Variants in RUBCNL observed in about 807,000 individuals in gnomAD.
The protein encoded by RUBCNL is protein associated with UVRAG as autophagy enhancer.
Under a neutral mutation model 69.5 loss-of-function variants are expected in RUBCNL, and 62 were observed. The ratio of observed to expected loss-of-function variants is 0.89; its 90% CI spans 0.73 to 1.10. RUBCNL has a LOEUF of 1.10. Among genes scored for constraint, RUBCNL ranks in the 50% least tolerant of loss-of-function variants. The pLI is 0.00. For synonymous variants in RUBCNL, 291 were observed against 303.6 expected (o/e 0.96, Z 0.43); for missense variants, 768 against 798.1 (o/e 0.96, Z 0.45).
chr13:46,353,746 A>G (rs1336209671), intron 10 of RUBCNL, among the ~76,000 whole-genome samples: 1 of 152,242 alleles, frequency 6.6e-6, no homozygotes, highest in African/African-American at 2.4e-5. Flanking sequence ...GTGGAAGAGA[A>G]ATATTCTAGA....
At chr13:46,354,581 T>A (rs2048442317) in intron 10 of RUBCNL, among the ~76,000 whole-genome samples, 1 of 152,124 alleles carries the variant, frequency 6.6e-6, no homozygotes, top group African/African-American at 2.4e-5. Context: ...CCACACAGGG[T>A]TTCTTTTACT....
chr13:46,382,675 A>G (rs997750667), intron 1 of RUBCNL, among the ~76,000 whole-genome samples: 1 of 152,118 alleles, frequency 6.6e-6, no homozygotes, highest in African/African-American at 2.4e-5. Context: ...CTGGGATTAC[A>G]GGCGCCCACC....
chr13:46,344,331 G>T (rs769385377), intron 14 of RUBCNL, among the ~76,000 whole-genome samples: 4 of 152,220 alleles, frequency 2.6e-5, no homozygotes, highest in African/African-American at 9.6e-5. Context: ...TAAAGAGCCA[G>T]ATAGCAAATG....
At chr13:46,356,363 G>T in intron 10 of RUBCNL, 69 bp downstream of exon 10, 1 of 1,460,416 alleles carries the variant, frequency 6.8e-7, no homozygotes, top group Non-Finnish European at 9.5e-7. Context: ...CAAGCAATGC[G>T]CTGCCCTACT....
chr13:46,388,102 C>T (rs1435988561), upstream of RUBCNL, among the ~76,000 whole-genome samples: 1 of 144,384 alleles, frequency 6.9e-6, no homozygotes, highest in East Asian at 2.1e-4. Context: ...ATGCCGGCTA[C>T]TAGGGAGGCT....
At chr13:46,354,705 T>C in intron 10 of RUBCNL, 1 of 446,000 alleles carries the variant, frequency 2.2e-6, no homozygotes, top group South Asian at 1.6e-5. Context: ...TTGCTGTAAA[T>C]CCCACGGCAC....
chr13:46,379,505 C>T (rs969321899), intron 1 of RUBCNL, among the ~76,000 whole-genome samples: 4 of 152,112 alleles, frequency 2.6e-5, no homozygotes, highest in Non-Finnish European at 4.4e-5. Flanking sequence ...AATTATCAAA[C>T]GATACCTAGA....
intron 12 of RUBCNL, 89 bp from the exon 13 acceptor site, chr13:46,345,689 A>C (rs1223281375): frequency 7.6e-7 from 1 of 1,314,380 alleles, no homozygotes; most frequent in Non-Finnish European, 1.0e-6. Context: ...CTTGGCACTC[A>C]CACTTAATTT....
Position 46,344,818 on chromosome 13 carries a change from T to C in RUBCNL, c.1799A>G (p.Lys600Arg). ...HVAGCELCQG[K>R]GFICEFCQNT... is the part of the protein sequence containing the mutation. ...CTGGCAAAATTCACAAATAAAGCCC[T>C]TTCCTTGACACAGCTGTAAAAGAAG... The change falls in exon 14 of 15, where the codon AAG (lysine) becomes AGG (arginine). Residue 600 changes from lysine to arginine, a missense_variant. Lys to Arg is a conservative substitution (Grantham distance 26). Transcript: ENST00000429979. 6.2e-7 allele frequency: 1 copy of C among 1,610,482 alleles called. No individual in the cohort carries two copies. Among genetic ancestry groups the C allele is most frequent in the Non-Finnish European group, 8.5e-7 (1 of 1,177,918 alleles).
In RUBCNL at chr13:46,350,371, G is replaced by C; in HGVS notation, c.1331-20C>G. 1.3e-6 allele frequency: 2 copies of C among 1,506,292 alleles called. No individual in the cohort carries two copies. Among genetic ancestry groups the C allele is most frequent in the East Asian group, 5.0e-5 (2 of 40,240 alleles). The allele number at this position is 1,506,292 out of a possible 1,614,324, so 93.3% of individuals were successfully genotyped here. A position where few individuals can be genotyped will look rare whatever the true frequency, so the allele number is the denominator to read the frequency against. Reference sequence around the variant, plus strand: ...CAAACTCTGCCAAGCATACCGGAGGGTGAGTGCCACACCTGGTGCTGAAAA... The same window carrying C: ...CAAACTCTGCCAAGCATACCGGAGGCTGAGTGCCACACCTGGTGCTGAAAA... On this transcript the variant is annotated intron_variant, in intron 10 of 14. Coordinates refer to ENST00000429979, the MANE Select transcript of RUBCNL (RefSeq NM_025113.5).
rs551611710 is a variant in RUBCNL at position 46,367,962 on chromosome 13, C to T, written c.826+80G>A. On this transcript the variant is annotated intron_variant, in intron 5 of 14. Transcript: ENST00000429979. ...TCCACTGGGAGTCTTGGAATATATG[C>T]CCCGTGGATAAGGGGTAATTATAGA... 552 of 1,318,698 alleles carry T rather than the reference C, an allele frequency of 4.2e-4. 1 individual carries two copies. The highest frequency in any genetic ancestry group is 5.6e-4 in the Non-Finnish European group (512 of 920,534). 81.7% of individuals were successfully genotyped at this position (1,318,698 alleles called of 1,614,324 possible). A position where few individuals can be genotyped will look rare whatever the true frequency, so the allele number is the denominator to read the frequency against.
At chr13:46,349,376 AGTT>A in intron 11 of RUBCNL, 29 bp from the exon 12 acceptor site, 1 of 1,587,592 alleles carries the variant, frequency 6.3e-7, no homozygotes, top group East Asian at 2.2e-5. Context: ...CACGGGGAAA[AGTT>A]AAATGTAATA....
At position 46,372,173 on chromosome 13, in the gene RUBCNL, C is replaced by T. The variant is rs1250349989; in HGVS notation, c.303G>A (p.Glu101=). ...SPSCLGDSLA[E]TTLSEDTTDS... ...CTGTGGTATCCTCAGACAACGTTGT[C>T]TCTGCCAGGGAGTCCCCGAGGCACG... The change falls in exon 3 of 15, where the codon GAG becomes GAA. Residue 101 remains glutamate, a synonymous_variant. Coordinates refer to ENST00000429979, the MANE Select transcript of RUBCNL (RefSeq NM_025113.5). The T allele has an allele frequency of 6.2e-7, 1 of 1,613,912 alleles. No individual in the cohort carries two copies. Among genetic ancestry groups the T allele is most frequent in the African/African-American group, 1.3e-5 (1 of 74,934 alleles).
Position 46,350,095 on chromosome 13 carries a change from G to T in RUBCNL, c.1569+18C>A. The T allele has an allele frequency of 6.6e-7, 1 of 1,524,208 alleles. No individual in the cohort carries two copies. The highest frequency in any genetic ancestry group is 2.0e-5 in the Admixed American group (1 of 51,152). 94.4% of individuals were successfully genotyped at this position (1,524,208 alleles called of 1,614,324 possible). A position where few individuals can be genotyped will look rare whatever the true frequency, so the allele number is the denominator to read the frequency against. On this transcript the variant is annotated intron_variant, in intron 11 of 14. Transcript: ENST00000429979. ...GGACACTTCCAATGAGAGGGATGGGGTTGGGGCTGCGGCTCACCTTCACTC... is the reference window on the plus strand; with the variant it reads ...GGACACTTCCAATGAGAGGGATGGGTTTGGGGCTGCGGCTCACCTTCACTC...
intron 1 of RUBCNL, among the ~76,000 whole-genome samples, chr13:46,381,994 CCTCA>C (rs1482466324): frequency 4.6e-5 from 7 of 152,024 alleles, no homozygotes; most frequent in African/African-American, 1.7e-4. Context: ...AGAGGAAAGA[CCTCA>C]CTATGTTGCT....
At chr13:46,357,561 GGTAAC>G (rs1029710660) in intron 9 of RUBCNL, among the ~76,000 whole-genome samples, 1 of 151,566 alleles carries the variant, frequency 6.6e-6, no homozygotes, top group Non-Finnish European at 1.5e-5. Flanking sequence ...ACGAATAAGA[GGTAAC>G]GTAAGACAAA....
intron 5 of RUBCNL, among the ~76,000 whole-genome samples, chr13:46,364,273 T>C (rs2138765699): frequency 6.6e-6 from 1 of 152,236 alleles, no homozygotes; most frequent in East Asian, 1.9e-4. Context: ...GGCAGGTGCC[T>C]GTAGTCCCAG....
In RUBCNL at chr13:46,376,280, T is replaced by C. The variant is rs541484736; in HGVS notation, c.-123+1610A>G. On this transcript the variant is annotated intron_variant, in intron 2 of 14. Transcript: ENST00000429979. The stretch of plus-strand genomic sequence containing the variant: ...AACTCTATGTGTGTGTGTATATATA[T>C]ATCTTTTGCATATGACATATATTGT... Among the ~76,000 whole-genome samples the C allele has an allele frequency of 2.6e-5, 4 of 152,262 alleles. No individual in the cohort carries two copies. The South Asian group carries it at 6.2e-4, about 24-fold the overall frequency.
intron 12 of RUBCNL, among the ~76,000 whole-genome samples, chr13:46,347,464 C>A (rs1003646286): frequency 6.6e-6 from 1 of 152,038 alleles, no homozygotes; most frequent in Non-Finnish European, 1.5e-5. Context: ...CTATATCCAT[C>A]GGTATGTCCT....
Sources: gnomAD v4.1 joint callset for allele counts (sites outside exome capture counted in the v4.1 genomes callset) on GRCh38, gnomAD v4.1.1 for gene constraint, MANE v1.5 for transcripts, NCBI Gene and HGNC (gene_info 2026-07-23, HGNC 2026-07-21) for gene names.